Variants in CSMD1 observed in about 807,000 individuals in gnomAD.
The protein encoded by CSMD1 is CUB and sushi domain-containing protein 1.
Under a neutral mutation model 417.5 loss-of-function variants are expected in CSMD1, and 213 were observed. The observed-to-expected ratio is 0.51, with a 90% CI of 0.46 to 0.57. The LOEUF is 0.57. CSMD1 is among the 20% of genes least tolerant of loss of function. CSMD1 has a pLI of 0.00. For missense variants in CSMD1, 6,923 were observed against 4,529.7 expected, an observed-to-expected ratio of 1.53 and a Z score of -15.17; for synonymous variants, 2,862 against 1,736.8, an observed-to-expected ratio of 1.65 and a Z score of -16.11.
At chr8:4,991,008 G>C (rs1293987333) in intron 1 of CSMD1, among the ~76,000 whole-genome samples, 3 of 152,122 alleles carry the variant, frequency 2.0e-5, no homozygotes, top group Non-Finnish European at 4.4e-5. Context: ...TTCTCAAAAT[G>C]AGGCTGCTCT....
At chr8:4,234,539 C>G (rs1040896601) in intron 3 of CSMD1, among the ~76,000 whole-genome samples, 2 of 152,188 alleles carry the variant, frequency 1.3e-5, no homozygotes, top group African/African-American at 4.8e-5. Flanking sequence ...ATGTTCCTAT[C>G]CCATCTTTTG....
intron 26 of CSMD1, among the ~76,000 whole-genome samples, chr8:3,237,468 C>G (rs532265266): frequency 6.7e-6 from 1 of 149,278 alleles, no homozygotes; most frequent in Non-Finnish European, 1.5e-5. Flanking sequence ...AAACAAAAAA[C>G]CAAAAAACCA....
At chr8:4,846,040 G>A (rs897367430) in intron 1 of CSMD1, among the ~76,000 whole-genome samples, 4 of 152,136 alleles carry the variant, frequency 2.6e-5, no homozygotes, top group South Asian at 2.1e-4. Flanking sequence ...TCCAGAATGA[G>A]CACTTTTGCC....
intron 12 of CSMD1, among the ~76,000 whole-genome samples, chr8:3,440,625 T>A (rs1328176730): frequency 6.6e-6 from 1 of 152,210 alleles, no homozygotes; most frequent in African/African-American, 2.4e-5. Context: ...CTTTGCAATC[T>A]GTATGCCCTG....
At chr8:3,598,780 A>G (rs1801214842) in intron 8 of CSMD1, among the ~76,000 whole-genome samples, 1 of 152,134 alleles carries the variant, frequency 6.6e-6, no homozygotes, top group South Asian at 2.1e-4. Flanking sequence ...GCAGATACAA[A>G]GCACAGAAAA....
chr8:3,352,945 C>T (rs561845800), intron 21 of CSMD1, among the ~76,000 whole-genome samples: 1 of 152,196 alleles, frequency 6.6e-6, no homozygotes, highest in African/African-American at 2.4e-5. Context: ...TATAACAAAA[C>T]TAAGCCCATG....
At chr8:4,510,459 A>G (rs1044216214) in intron 2 of CSMD1, among the ~76,000 whole-genome samples, 1 of 145,462 alleles carries the variant, frequency 6.9e-6, no homozygotes, top group African/African-American at 2.5e-5. Context: ...TTTATTAACT[A>G]AGGGACAAGG....
intron 3 of CSMD1, among the ~76,000 whole-genome samples, chr8:4,365,152 A>G (rs1185106075): frequency 5.9e-5 from 9 of 152,140 alleles, no homozygotes; most frequent in African/African-American, 2.2e-4. Flanking sequence ...AGCATATCAT[A>G]TTTTTATTTT....
At chr8:3,150,353 G>A (rs1299026638) in intron 40 of CSMD1, among the ~76,000 whole-genome samples, 1 of 152,076 alleles carries the variant, frequency 6.6e-6, no homozygotes, top group Non-Finnish European at 1.5e-5. Context: ...CTCTTTTCTT[G>A]TGGAACAGTC....
intron 19 of CSMD1, 139 bp downstream of exon 19, chr8:3,369,115 A>G: frequency 3.7e-6 from 2 of 537,694 alleles, no homozygotes; most frequent in South Asian, 5.4e-5. Context: ...ATCTTATTAA[A>G]TAATAAGTTA....
chr8:3,725,337 C>G (rs897951572), intron 6 of CSMD1, among the ~76,000 whole-genome samples: 4 of 152,144 alleles, frequency 2.6e-5, no homozygotes, highest in Non-Finnish European at 5.9e-5. Flanking sequence ...ACAAACATAT[C>G]CCTGCATGGA....
intron 5 of CSMD1, among the ~76,000 whole-genome samples, chr8:3,965,823 T>G (rs1416203534): frequency 1.3e-5 from 2 of 152,146 alleles, no homozygotes; most frequent in East Asian, 3.9e-4. Context: ...TTCACCATGT[T>G]GGCCAGGCCG....
intron 3 of CSMD1, among the ~76,000 whole-genome samples, chr8:4,151,506 G>T (rs140567110): frequency 7.2e-5 from 11 of 152,098 alleles, no homozygotes; most frequent in African/African-American, 2.7e-4. Context: ...TGAACCAAAT[G>T]GAAGATTTTG....
At chr8:3,664,777 A>C (rs1798598584) in intron 7 of CSMD1, among the ~76,000 whole-genome samples, 1 of 152,240 alleles carries the variant, frequency 6.6e-6, no homozygotes. Context: ...GTACATCCTG[A>C]CACTGGTAAA....
At chr8:4,259,957 G>T (rs1414509557) in intron 3 of CSMD1, among the ~76,000 whole-genome samples, 1 of 151,288 alleles carries the variant, frequency 6.6e-6, no homozygotes, top group Admixed American at 6.6e-5. Flanking sequence ...AAATGTAATT[G>T]TTTCTAGTTT....
At chr8:3,178,731 A>G (rs567560030) in intron 37 of CSMD1, among the ~76,000 whole-genome samples, 1 of 152,260 alleles carries the variant, frequency 6.6e-6, no homozygotes, top group South Asian at 2.1e-4. Context: ...GTAAGCGTCT[A>G]CTTTTTTTTT....
intron 12 of CSMD1, among the ~76,000 whole-genome samples, chr8:3,418,214 CT>C (rs1263708508): frequency 6.6e-6 from 1 of 152,100 alleles, no homozygotes; most frequent in Non-Finnish European, 1.5e-5. Context: ...TTTTCCTTCC[CT>C]TTTGTGGCCC....
chr8:4,670,181 A>G (rs900266259), intron 1 of CSMD1, among the ~76,000 whole-genome samples: 1 of 152,176 alleles, frequency 6.6e-6, no homozygotes, highest in African/African-American at 2.4e-5. Flanking sequence ...TTTGCAAACT[A>G]AAGTCCCTCC....
intron 3 of CSMD1, among the ~76,000 whole-genome samples, chr8:4,381,149 A>C (rs59939106): frequency 0.083 from 12,709 of 152,230 alleles, 696 homozygotes; most frequent in South Asian, 0.19. Flanking sequence ...AGAACTAAAG[A>C]AGTCAATTTT....
Sources: gnomAD v4.1 joint callset for allele counts (sites outside exome capture counted in the v4.1 genomes callset) on GRCh38, gnomAD v4.1.1 for gene constraint, MANE v1.5 for transcripts, NCBI Gene and HGNC (gene_info 2026-07-23, HGNC 2026-07-21) for gene names.